Variants in HIPK2 observed in about 807,000 individuals in gnomAD.
HIPK2 encodes homeodomain-interacting protein kinase 2.
HIPK2 carries 27 observed loss-of-function variants against 113.7 expected under a neutral mutation model. The observed-to-expected ratio is 0.24, with a 90% CI of 0.17 to 0.33. HIPK2 has a LOEUF of 0.33. Among genes scored for constraint, HIPK2 ranks in the 10% least tolerant of loss-of-function variants. The probability of loss-of-function intolerance (pLI) is 1.00; values close to 1 mark genes in which losing one functional copy is unlikely to be tolerated. For synonymous variants in HIPK2, 631 were observed against 642.2 expected, an observed-to-expected ratio of 0.98 and a Z score of 0.26; for missense variants, 1,257 against 1,588.0, an observed-to-expected ratio of 0.79 and a Z score of 3.54.
intron 2 of HIPK2, among the ~76,000 whole-genome samples, chr7:139,711,354 G>A (rs1230910405): frequency 6.6e-6 from 1 of 152,114 alleles, no homozygotes; most frequent in Non-Finnish European, 1.5e-5. Context: ...GGTGAACCTG[G>A]GAGGCGGAGT....
intron 2 of HIPK2, among the ~76,000 whole-genome samples, chr7:139,699,836 G>C (rs965969533): frequency 6.6e-6 from 1 of 152,172 alleles, no homozygotes; most frequent in African/African-American, 2.4e-5. Context: ...AGGGGTGTGC[G>C]GAGTGAATGC....
intron 13 of HIPK2, among the ~76,000 whole-genome samples, chr7:139,577,206 T>A (rs577876674): frequency 7.1e-6 from 1 of 140,274 alleles, no homozygotes; most frequent in East Asian, 2.2e-4. Context: ...TGGAGTGCAA[T>A]GGTGCGATCT....
At chr7:139,766,612 T>C (rs1346551951) in intron 1 of HIPK2, among the ~76,000 whole-genome samples, 1 of 152,206 alleles carries the variant, frequency 6.6e-6, no homozygotes, top group Non-Finnish European at 1.5e-5. Flanking sequence ...TGGATCACTC[T>C]AACTTACCTG....
intron 11 of HIPK2, among the ~76,000 whole-genome samples, chr7:139,599,735 T>A (rs1799351931): frequency 6.6e-6 from 1 of 152,222 alleles, no homozygotes; most frequent in African/African-American, 2.4e-5. Context: ...AAAACAATTA[T>A]TATGGTAAAT....
chr7:139,697,478 AT>A (rs1163375085), intron 2 of HIPK2, among the ~76,000 whole-genome samples: 4 of 152,142 alleles, frequency 2.6e-5, no homozygotes, highest in Admixed American at 1.3e-4. Context: ...TCTACCTGGC[AT>A]CTCTAACAAT....
rs540139659 is a variant in HIPK2, at chr7:139,613,775, A to G, written c.1991-452T>C. ...CTTTCTGGGTAAATTGTAACAAAGT[A>G]CACAGTCTAGCTTCTTAGAGTCTAC... On this transcript the variant is annotated intron_variant, in intron 8 of 14. Coordinates refer to ENST00000406875, the MANE Select transcript of HIPK2 (RefSeq NM_022740.5). The surrounding 1 kb of genome is among the most constrained non-coding windows in gnomAD (Gnocchi z 4.2). 1.3e-5 allele frequency among the ~76,000 whole-genome samples: 2 copies of G among 152,352 alleles called. No individual in the cohort carries two copies. Among genetic ancestry groups the G allele is most frequent in the East Asian group, 3.9e-4 (2 of 5,188 alleles).
chr7:139,716,334 G>A lies in HIPK2; in HGVS notation c.701C>T (p.Pro234Leu). ...AATCTGACCTTGTCGGGCATAGGATGGGTGGTTCTTCAGGATCTTGATGGC... is the reference window on the plus strand; with the variant it reads ...AATCTGACCTTGTCGGGCATAGGATAGGTGGTTCTTCAGGATCTTGATGGC... ...IVAIKILKNH[P>L]SYARQGQIEV... Residue 234 changes from proline to leucine, a missense_variant, in exon 2 of 15, where the codon CCA becomes CTA. Physicochemically the swap from Pro to Leu is moderately conservative, Grantham distance 98. This residue lies in a region of HIPK2 where 78 missense variants were observed against 145.7 expected (regional missense o/e 0.54). Coordinates refer to ENST00000406875, the MANE Select transcript of HIPK2 (RefSeq NM_022740.5). This position sits in a 1 kb window ranked among gnomAD's most constrained non-coding sequence, Gnocchi z 9.3. 2 of 1,614,176 alleles carry A rather than the reference G, an allele frequency of 1.2e-6. No homozygotes were observed. Among genetic ancestry groups the A allele is most frequent in the Non-Finnish European group, 1.7e-6 (2 of 1,180,034 alleles).
chr7:139,638,067 C>T (rs1800870236), intron 2 of HIPK2, among the ~76,000 whole-genome samples: 1 of 152,128 alleles, frequency 6.6e-6, no homozygotes, highest in Admixed American at 6.5e-5. Flanking sequence ...AGGGATTTAG[C>T]CCAAACCTCT....
chr7:139,654,678 T>C (rs367706486), intron 2 of HIPK2, among the ~76,000 whole-genome samples: 1 of 151,688 alleles, frequency 6.6e-6, no homozygotes, highest in South Asian at 2.1e-4. Context: ...CATGGCGGGG[T>C]TGCAGTCAGT....
rs149984053 is a variant in HIPK2 at position 139,769,355 on chromosome 7, C to A, written c.19+8250G>T. Among the ~76,000 whole-genome samples the A allele has an allele frequency of 4.2e-3, 644 of 152,020 alleles. 3 individuals are homozygous for A. Among genetic ancestry groups the A allele is most frequent in the Non-Finnish European group, 4.8e-3 (325 of 67,918 alleles). On this transcript the variant is annotated intron_variant, in intron 1 of 14. Coordinates refer to ENST00000406875, the MANE Select transcript of HIPK2 (RefSeq NM_022740.5). The stretch of plus-strand genomic sequence containing the variant: ...CAAGGCCTACCAGCATGGCCCACCC[C>A]TGGCTGTCTGGTTCCTTCTATTATA...
rs1462851120 is a variant in HIPK2 at position 139,568,892 on chromosome 7, G to A, written c.*4035C>T. On this transcript the variant is annotated 3_prime_UTR_variant, in exon 15 of 15. Transcript: ENST00000406875. ...AGGAGAATGTGCACTAATGTTTGCT[G>A]AGCGTCTGTGGGGCTGGCATCGCCC... 1.3e-5 allele frequency: 2 copies of A among 152,328 alleles called. No homozygotes were observed. The highest frequency in any genetic ancestry group is 4.8e-5 in the African/African-American group (2 of 41,446). The allele number at this position is 152,328 out of a possible 1,614,324, so 9.4% of individuals were successfully genotyped here. A position where few individuals can be genotyped will look rare whatever the true frequency, so the allele number is the denominator to read the frequency against.
intron 2 of HIPK2, among the ~76,000 whole-genome samples, chr7:139,693,316 A>G (rs1471627051): frequency 3.3e-5 from 5 of 152,256 alleles, no homozygotes; most frequent in African/African-American, 9.6e-5. Context: ...AGATACAAGG[A>G]GCCTTTTAAC....
At chr7:139,769,781 A>G (rs1248295486) in intron 1 of HIPK2, among the ~76,000 whole-genome samples, 1 of 152,214 alleles carries the variant, frequency 6.6e-6, no homozygotes. Context: ...GGAGTACATC[A>G]CTGTAACAAG....
intron 2 of HIPK2, among the ~76,000 whole-genome samples, chr7:139,702,423 C>G (rs1794737757): frequency 6.6e-6 from 1 of 152,192 alleles, no homozygotes; most frequent in Non-Finnish European, 1.5e-5. Context: ...TATCCCGGGT[C>G]GAGCTGCTGG....
chr7:139,669,875 A>C (rs918964412), intron 2 of HIPK2, among the ~76,000 whole-genome samples: 15 of 152,248 alleles, frequency 9.9e-5, no homozygotes, highest in African/African-American at 3.6e-4. Context: ...GTCAACACGA[A>C]AGCCAGGCAC....
chr7:139,745,525 T>C (rs1241813165), intron 1 of HIPK2, among the ~76,000 whole-genome samples: 2 of 152,210 alleles, frequency 1.3e-5, no homozygotes, highest in Non-Finnish European at 2.9e-5. Context: ...GTTGGGGGTC[T>C]TTTTATTGCC....
intron 11 of HIPK2, among the ~76,000 whole-genome samples, chr7:139,598,571 G>A (rs1230273103): frequency 1.3e-5 from 2 of 152,206 alleles, no homozygotes; most frequent in African/African-American, 2.4e-5. Flanking sequence ...TGGTCTTTCA[G>A]ACTGTTTTGC....
At chr7:139,758,296 T>TA (rs1302311290) in intron 1 of HIPK2, among the ~76,000 whole-genome samples, 18 of 152,246 alleles carry the variant, frequency 1.2e-4, no homozygotes, top group African/African-American at 1.9e-4. Flanking sequence ...TGGAAAAACA[T>TA]AGAGTCCAGA....
Position 139,626,754 on chromosome 7 carries a change from T to A in HIPK2, c.1466A>T (p.Asp489Val). Residue 489 changes from aspartate to valine, a missense_variant, in exon 6 of 15, where the codon GAC becomes GTC. By Grantham distance (152) the Asp-to-Val change is radical. This residue lies in a region of HIPK2 where 862 missense variants were observed against 1,004.3 expected (regional missense o/e 0.86). Transcript: ENST00000406875. ...CCGGTCAGCCTTTTCTACCAACATG[T>A]CGCTCCCTTCCAAATCTGTCGTCAT... ...VNMTTDLEGSDMLVEKADRRE... is the reference protein window; with the variant it reads ...VNMTTDLEGSVMLVEKADRRE... 1 of 1,613,978 alleles carries A rather than the reference T, an allele frequency of 6.2e-7. No homozygotes were observed. Among genetic ancestry groups the A allele is most frequent in the Non-Finnish European group, 8.5e-7 (1 of 1,179,900 alleles).
Sources: allele counts gnomAD v4.1 joint callset (sites outside exome capture counted in the v4.1 genomes callset), GRCh38; gene constraint gnomAD v4.1.1; regional missense constraint gnomAD v4.1.1; non-coding constraint Gnocchi (gnomAD v3.1); transcripts MANE v1.5; gene names NCBI Gene and HGNC (gene_info 2026-07-23, HGNC 2026-07-21).